The following SYT15B variants were observed in gnomAD, a reference collection of about 807,000 sequenced individuals.
SYT15B encodes synaptotagmin 15B, also known as synaptotagmin-15.
At chr10:47,748,674 A>AAG in the SYT15B span, among the ~76,000 whole-genome samples, 1 of 150,188 alleles carries the variant, frequency 6.7e-6, no homozygotes, top group African/African-American at 2.4e-5. Flanking sequence ...TCTTTTGTAG[A>AAG]GGGGGGGGAT....
chr10:47,748,732 C>T, the SYT15B span, among the ~76,000 whole-genome samples: 7 of 151,230 alleles, frequency 4.6e-5, no homozygotes, highest in East Asian at 2.0e-4. Context: ...CTCAAGGGTG[C>T]TGGGATGACG....
At chr10:47,744,896 T>C in the SYT15B span, among the ~76,000 whole-genome samples, 1 of 151,974 alleles carries the variant, frequency 6.6e-6, no homozygotes, top group Admixed American at 6.6e-5. Flanking sequence ...TCCTGTAACT[T>C]CTAGCTATAA....
At chr10:47,750,734 G>A in the SYT15B span, 4 of 143,516 alleles carry the variant, frequency 2.8e-5, no homozygotes, top group Middle Eastern at 3.5e-3. Context: ...CACTGAGCTC[G>A]ACTTAAATCT....
the SYT15B span, chr10:47,763,196 TC>T: frequency 2.0e-6 from 2 of 988,776 alleles, no homozygotes; most frequent in Admixed American, 6.1e-5. Flanking sequence ...TCCGCGCGGG[TC>T]CCGGGCCCCA....
chr10:47,755,168 G>A, the SYT15B span, among the ~76,000 whole-genome samples: 1 of 151,642 alleles, frequency 6.6e-6, no homozygotes, highest in African/African-American at 2.4e-5. Flanking sequence ...TGTTGGCCAG[G>A]ATGGTCTTGA....
the SYT15B span, chr10:47,753,244 C>T: frequency 1.5e-6 from 1 of 669,190 alleles, no homozygotes; most frequent in African/African-American, 2.5e-5. Context: ...ATACACACTA[C>T]CTGTTACAGT....
chr10:47,758,053 G>GAA, the SYT15B span: 2 of 1,295,350 alleles, frequency 1.5e-6, no homozygotes, highest in African/African-American at 3.6e-5. Flanking sequence ...GGTAGACGGA[G>GAA]AACTTCAGCA....
chr10:47,755,544 C>T, the SYT15B span, among the ~76,000 whole-genome samples: 5 of 145,624 alleles, frequency 3.4e-5, no homozygotes, highest in East Asian at 2.0e-4. Context: ...TGTGAGCCAC[C>T]GTGCCCGGCC....
the SYT15B span, among the ~76,000 whole-genome samples, chr10:47,762,195 G>A: frequency 1.3e-5 from 2 of 151,698 alleles, no homozygotes; most frequent in Non-Finnish European, 2.9e-5. Context: ...GCGCTTAGGG[G>A]AGTTGGTGCG....
the SYT15B span, chr10:47,757,224 C>CG: frequency 1.7e-4 from 49 of 292,076 alleles, no homozygotes; most frequent in Non-Finnish European, 2.1e-4. Flanking sequence ...TGCCTCTGTC[C>CG]TCCTGGAGCC....
chr10:47,756,607 G>A, the SYT15B span, among the ~76,000 whole-genome samples: 2 of 152,180 alleles, frequency 1.3e-5, no homozygotes, highest in South Asian at 4.1e-4. Context: ...GTGAGGGTCA[G>A]AGTCACAGTG....
the SYT15B span, chr10:47,757,228 TG>T: frequency 2.9e-6 from 1 of 339,642 alleles, no homozygotes; most frequent in Non-Finnish European, 4.0e-6. Flanking sequence ...TCTGTCCTCC[TG>T]GAGCCGGAGG....
chr10:47,762,291 G>C, the SYT15B span, among the ~76,000 whole-genome samples: 2 of 151,718 alleles, frequency 1.3e-5, no homozygotes, highest in East Asian at 3.9e-4. Context: ...GACCTAGGAG[G>C]CTTCGCCCCG....
At chr10:47,752,734 G>A in the SYT15B span, 1 of 27,980 alleles carries the variant, frequency 3.6e-5, no homozygotes, top group African/African-American at 1.4e-4. Flanking sequence ...ACAGAAATTG[G>A]AGGTGGAGTT....
the SYT15B span, among the ~76,000 whole-genome samples, chr10:47,756,788 G>C: frequency 6.7e-6 from 1 of 150,034 alleles, no homozygotes; most frequent in African/African-American, 2.4e-5. Context: ...ATTCTGGGAG[G>C]CCAAGCATCA....
chr10:47,749,453 T>C, the SYT15B span, among the ~76,000 whole-genome samples: 2 of 148,974 alleles, frequency 1.3e-5, no homozygotes, highest in African/African-American at 2.5e-5. Flanking sequence ...AATGTCTCGT[T>C]AGGTGTAAAA....
the SYT15B span, among the ~76,000 whole-genome samples, chr10:47,749,532 A>G: frequency 7.0e-6 from 1 of 142,026 alleles, no homozygotes; most frequent in Non-Finnish European, 1.5e-5. Flanking sequence ...ATAGAGATTG[A>G]GTATTGTGAG....
the SYT15B span, chr10:47,757,884 A>G: frequency 2.0e-6 from 3 of 1,469,108 alleles, 1 homozygote; most frequent in Non-Finnish European, 2.7e-6. Flanking sequence ...CTGCCAGCTG[A>G]TGCTCAGTGG....
At chr10:47,753,143 G>C in the SYT15B span, 1 of 978,512 alleles carries the variant, frequency 1.0e-6, no homozygotes, top group Non-Finnish European at 1.2e-6. Context: ...AGAAAAAGAA[G>C]GAAAAAAGAG....
Sources: allele counts gnomAD v4.1 joint callset (sites outside exome capture counted in the v4.1 genomes callset), GRCh38; gene constraint gnomAD v4.1.1; transcripts MANE v1.5; gene names NCBI Gene and HGNC (gene_info 2026-07-23, HGNC 2026-07-21).